The following LONP1 variants were observed in gnomAD, a reference collection of about 807,000 sequenced individuals.
The protein encoded by LONP1 is lon peptidase 1, mitochondrial, also known as lon protease homolog, mitochondrial.
Under a neutral mutation model 98.5 loss-of-function variants are expected in LONP1, and 31 were observed. The ratio of observed to expected loss-of-function variants is 0.31; its 90% CI spans 0.24 to 0.42. LONP1 has a LOEUF of 0.42. Ranked by LOEUF, LONP1 falls within the 20% of genes least tolerant of loss-of-function variation. The probability of loss-of-function intolerance (pLI) is 1.00; values close to 1 mark genes in which losing one functional copy is unlikely to be tolerated. For missense variants in LONP1, 1,336 were observed against 1,350.6 expected (o/e 0.99, Z 0.17); for synonymous variants, 781 against 594.7 (o/e 1.31, Z -4.56).
chr19:5,694,948 C>T (rs201903454), intron 13 of LONP1, 47 bp from the exon 14 acceptor site: 1 of 1,573,560 alleles, frequency 6.4e-7, no homozygotes, highest in Non-Finnish European at 8.7e-7. Context: ...CCTTGCCCAC[C>T]AGCTCAGTCT....
chr19:5,710,103 GAC>G (rs1051739963), intron 4 of LONP1, among the ~76,000 whole-genome samples: 3 of 144,742 alleles, frequency 2.1e-5, no homozygotes, highest in Non-Finnish European at 4.5e-5. Flanking sequence ...TTTTTTTTGA[GAC>G]AGAGTTTTGC....
In LONP1 at chr19:5,696,323, G is replaced by C; in HGVS notation, c.1822C>G (p.Leu608Val). The C allele has an allele frequency of 5.0e-6, 8 of 1,613,406 alleles. No individual in the cohort carries two copies. The highest frequency in any genetic ancestry group is 6.8e-6 in the Non-Finnish European group (8 of 1,179,912). ...GYQGDPSSALLELLDPEQNAN... is the reference protein window; with the variant it reads ...GYQGDPSSALVELLDPEQNAN... ...TTCTGCTCTGGGTCCAGCAGCTCCA[G>C]CAGTGCCGACGACGGGTCCCCCTGG... The change falls in exon 12 of 18, where the codon CTG becomes GTG. Residue 608 changes from leucine (L) to valine (V), a missense_variant. Physicochemically the swap from Leu to Val is conservative, Grantham distance 32. This residue lies in a region of LONP1 where 555 missense variants were observed against 542.6 expected (regional missense o/e 1.02). Coordinates refer to ENST00000360614, the MANE Select transcript of LONP1 (RefSeq NM_004793.4).
chr19:5,710,393 AT>A (rs755609416), intron 4 of LONP1, among the ~76,000 whole-genome samples: 1 of 151,328 alleles, frequency 6.6e-6, no homozygotes, highest in Non-Finnish European at 1.5e-5. Flanking sequence ...CCCGGCCTGA[AT>A]TTTTTTATTT....
intron 11 of LONP1, 144 bp downstream of exon 11, chr19:5,696,520 TGGGTGG>T: frequency 7.6e-7 from 1 of 1,311,142 alleles, no homozygotes; most frequent in Non-Finnish European, 1.0e-6. Context: ...GGCGTGGCTG[TGGGTGG>T]GAGGGACCCG....
At position 5,707,252 on chromosome 19, in the gene LONP1, G is replaced by A. The variant is rs530477081; in HGVS notation, c.1063-109C>T. 2.7e-5 allele frequency: 23 copies of A among 842,318 alleles called. No individual in the cohort carries two copies. The East Asian group carries it at 6.0e-4, about 22-fold the overall frequency. 52.2% of individuals were successfully genotyped at this position (842,318 alleles called of 1,614,324 possible). A position where few individuals can be genotyped will look rare whatever the true frequency, so the allele number is the denominator to read the frequency against. ...CTGAGAGATGCTGCCGGGAGGACCT[G>A]GCCATGCTGTACCCAGCACAGAGGC... is the stretch of plus-strand genomic sequence containing the variant. On this transcript the variant is annotated intron_variant, in intron 6 of 17. Transcript: ENST00000360614.
At chr19:5,711,694 G>C (rs1225604873) in intron 4 of LONP1, 77 bp downstream of exon 4, 2 of 1,239,380 alleles carry the variant, frequency 1.6e-6, no homozygotes, top group African/African-American at 1.5e-5. Flanking sequence ...ATGACTCTTC[G>C]GAGAGGCCGC....
At chr19:5,709,427 G>C (rs1050286421) in intron 4 of LONP1, among the ~76,000 whole-genome samples, 2 of 152,136 alleles carry the variant, frequency 1.3e-5, no homozygotes, top group African/African-American at 4.8e-5. Context: ...CTTGAACCCA[G>C]GAGGCGGAGG....
rs368116411 is a variant in LONP1 at position 5,715,726 on chromosome 19, C to T, written c.430-1455G>A. On this transcript the variant is annotated intron_variant, in intron 1 of 17. Coordinates refer to ENST00000360614, the MANE Select transcript of LONP1 (RefSeq NM_004793.4). The stretch of plus-strand genomic sequence containing the variant: ...AGGCTGGAGTGCACTGGTGCAATCT[C>T]GGCTCACTGCAACCTCCACCTCCCA... Among the ~76,000 whole-genome samples the T allele has an allele frequency of 5.9e-4, 86 of 146,652 alleles. No homozygotes were observed. The East Asian group carries it at 0.012, about 21-fold the overall frequency.
At chr19:5,703,463 G>A (rs979669706) in intron 8 of LONP1, among the ~76,000 whole-genome samples, 3 of 152,084 alleles carry the variant, frequency 2.0e-5, no homozygotes, top group African/African-American at 2.4e-5. Context: ...GTTGGGAGCC[G>A]TGCAGCAGTG....
At chr19:5,708,504 C>T in intron 4 of LONP1, 101 bp from the exon 5 acceptor site, 1 of 891,144 alleles carries the variant, frequency 1.1e-6, no homozygotes, top group African/African-American at 1.6e-5. Flanking sequence ...CCAGCTCCAT[C>T]AACTCCCTCC....
chr19:5,708,324 G>T lies in LONP1; in HGVS notation c.932+18C>A. The T allele has an allele frequency of 6.3e-7, 1 of 1,585,962 alleles. No individual in the cohort carries two copies. On this transcript the variant is annotated intron_variant, in intron 5 of 17. Transcript: ENST00000360614. ...CAGAGATGCCCCCGCCTGGCCAGCTGCCCGCACAGAGGCCCACCTGTAGAG... is the reference window on the plus strand; with the variant it reads ...CAGAGATGCCCCCGCCTGGCCAGCTTCCCGCACAGAGGCCCACCTGTAGAG...
intron 8 of LONP1, among the ~76,000 whole-genome samples, chr19:5,704,297 C>T (rs900183664): frequency 1.3e-4 from 20 of 152,196 alleles, no homozygotes; most frequent in African/African-American, 4.1e-4. Context: ...TCTCAGGGCT[C>T]GGCATTGTGT....
At position 5,712,099 on chromosome 19, in the gene LONP1, G is replaced by A. The variant is rs530380802; in HGVS notation, c.639-97C>T. 6 of 986,226 alleles carry A rather than the reference G, an allele frequency of 6.1e-6. No homozygotes were observed. The East Asian group carries it at 7.9e-5, about 13-fold the overall frequency. 61.1% of individuals were successfully genotyped at this position (986,226 alleles called of 1,614,324 possible). ...GTGGCACAGGTGGTCCAAGGGTCCCGCTGAGCCCAGACCTCTGGAGCCACA... is the reference window on the plus strand; with the variant it reads ...GTGGCACAGGTGGTCCAAGGGTCCCACTGAGCCCAGACCTCTGGAGCCACA... On this transcript the variant is annotated intron_variant, in intron 3 of 17. Coordinates refer to ENST00000360614, the MANE Select transcript of LONP1 (RefSeq NM_004793.4).
At chr19:5,699,267 C>G (rs978328350) in intron 9 of LONP1, 62 bp from the exon 10 acceptor site, 15 of 1,323,448 alleles carry the variant, frequency 1.1e-5, no homozygotes, top group African/African-American at 1.5e-5. Flanking sequence ...CCGCGCATGA[C>G]TCTCGCCACC....
At chr19:5,696,635 C>T (rs181481775) in intron 11 of LONP1, 35 bp downstream of exon 11, 22 of 1,593,610 alleles carry the variant, frequency 1.4e-5, no homozygotes, top group African/African-American at 6.7e-5. Context: ...ACGGCATTGC[C>T]GGGTTAGGGG....
Position 5,696,661 on chromosome 19 carries a change from C to T in LONP1, c.1773+9G>A, listed in dbSNP as rs200985875. On this transcript the variant is annotated intron_variant, in intron 11 of 17. Transcript: ENST00000360614. ...GGGTTAGGGGGTCTCCGGGCCTCTC[C>T]GCACGCACCTCGTCGATGAGGATCA... 4.7e-3 allele frequency: 7,477 copies of T among 1,585,292 alleles called. 34 individuals carry two copies. Among genetic ancestry groups the T allele is most frequent in the Non-Finnish European group, 5.3e-3 (6,163 of 1,158,180 alleles).
At position 5,694,623 on chromosome 19, in the gene LONP1, C is replaced by T. The variant is rs1016842940; in HGVS notation, c.2155-71G>A. 18 of 1,545,810 alleles carry T rather than the reference C, an allele frequency of 1.2e-5. No individual in the cohort carries two copies. The African/African-American group carries it at 2.4e-4, about 20-fold the overall frequency. On this transcript the variant is annotated intron_variant, in intron 14 of 17. Transcript: ENST00000360614. ...AGGTGCGGGGTGGTGGGGTGACGGGCACAGAAAGGTGTGACGGGCGCGGGG... is the reference window on the plus strand; with the variant it reads ...AGGTGCGGGGTGGTGGGGTGACGGGTACAGAAAGGTGTGACGGGCGCGGGG...
chr19:5,700,943 T>C lies in LONP1; in HGVS notation c.1368-16A>G, dbSNP rs1599458333. 5 of 1,613,966 alleles carry C rather than the reference T, an allele frequency of 3.1e-6. No individual in the cohort carries two copies. In the East Asian group the frequency reaches 8.9e-5, roughly 29 times the overall value. The stretch of plus-strand genomic sequence containing the variant: ...GCGGGTGACACTGCCAGGGGACAGA[T>C]GGAGAGATGCTGAGTGGAGCTCACG... On this transcript the variant is annotated splice_polypyrimidine_tract_variant and intron_variant, in intron 8 of 17. Transcript: ENST00000360614.
At chr19:5,700,083 C>T (rs1345071940) in intron 9 of LONP1, among the ~76,000 whole-genome samples, 1 of 152,176 alleles carries the variant, frequency 6.6e-6, no homozygotes, top group East Asian at 1.9e-4. Flanking sequence ...GGACTGCAGA[C>T]ACGCAACATC....
Sources: gnomAD v4.1 joint callset for allele counts (sites outside exome capture counted in the v4.1 genomes callset) on GRCh38, gnomAD v4.1.1 for gene constraint, gnomAD v4.1.1 regional missense constraint, MANE v1.5 for transcripts, NCBI Gene and HGNC (gene_info 2026-07-23, HGNC 2026-07-21) for gene names.